TTN: variants seen among roughly 807,000 people sequenced by gnomAD.
TTN encodes the protein connectin.
A neutral mutation model predicts 3,223.0 loss-of-function variants in TTN; 1,525 were observed. That is an observed-to-expected ratio of 0.47 (90% CI 0.45 to 0.49). The LOEUF (loss-of-function observed/expected upper bound fraction) is 0.49, where lower values mean the gene tolerates loss of function less well. Among genes scored for constraint, TTN ranks in the 20% least tolerant of loss-of-function variants. TTN has a pLI of 0.00. For synonymous variants in TTN, 14,094 were observed against 15,161.0 expected, an observed-to-expected ratio of 0.93 and a Z score of 5.17; for missense variants, 40,786 against 43,424.0, an observed-to-expected ratio of 0.94 and a Z score of 5.40.
Position 178,730,250 on chromosome 2 carries a change from T to C in TTN, c.18150A>G (p.Lys6050=), listed in dbSNP as rs991259759. Residue 6050 remains lysine, a synonymous_variant, in exon 62 of 363, where the codon AAA becomes AAG. Transcript: ENST00000589042. ...PMTIKWFKDN[K]ELHSGAARSV... ...AGCGGGCTGCTCCTGAGTGTAACTCTTTGTTATCTTTAAACCACTTTATTG... is the reference window on the plus strand; with the variant it reads ...AGCGGGCTGCTCCTGAGTGTAACTCCTTGTTATCTTTAAACCACTTTATTG... 11 of 1,613,208 alleles carry C rather than the reference T, an allele frequency of 6.8e-6. No homozygotes were observed. The highest frequency in any genetic ancestry group is 1.6e-4 in the Middle Eastern group (1 of 6,078).
chr2:178,630,003 A>G (rs1360069474), intron 239 of TTN, among the ~76,000 whole-genome samples: 1 of 152,118 alleles, frequency 6.6e-6, no homozygotes, highest in African/African-American at 2.4e-5. Flanking sequence ...ACTACAGAGC[A>G]GGAAAATCTG....
rs1295839847 is a variant in TTN, at chr2:178,577,368, T to G, written c.68967A>C (p.Arg22989Ser). 1 of 1,613,046 alleles carries G rather than the reference T, an allele frequency of 6.2e-7. No homozygotes were observed. The highest frequency in any genetic ancestry group is 2.2e-5 in the East Asian group (1 of 44,744). ...SSWSKAGKDI[R>S]PSDITQITST... is the part of the protein sequence containing the mutation. ...AAGTTATCTGAGTGATATCTGATGG[T>G]CTAATGTCTTTTCCTGCCTTGGACC... Residue 22989 changes from arginine to serine, a missense_variant, in exon 324 of 363, where the codon AGA becomes AGC. Coordinates refer to ENST00000589042, the MANE Select transcript of TTN (RefSeq NM_001267550.2).
At position 178,617,348 on chromosome 2, in the gene TTN, G is replaced by A. The variant is rs138576504; in HGVS notation, c.47737C>T (p.Leu15913Phe). The A allele has an allele frequency of 3.6e-4, 568 of 1,581,576 alleles. 1 individual carries two copies. In the African/African-American group the frequency reaches 6.8e-3, roughly 19 times the overall value. The change falls in exon 254 of 363, where the codon CTT becomes TTT. Residue 15913 changes from leucine to phenylalanine, a missense_variant. Coordinates refer to ENST00000589042, the MANE Select transcript of TTN (RefSeq NM_001267550.2). ...ACCTTGTAAGTCAGTTCAGGGACAA[G>A]TTTCATATTGCAACGAATCCAATTA... ...KDNWIRCNMK[L>F]VPELTYKVTG...
rs727503709 is a variant in TTN at position 178,802,203 on chromosome 2, C to T, written c.230G>A (p.Arg77Gln). ...IPAVTKANSGRYSLKATNGSG... is the reference protein window; with the variant it reads ...IPAVTKANSGQYSLKATNGSG... Reference sequence around the variant, plus strand: ...TCCATTGGTGGCTTTCAGGGAATATCGTCCACTGTTGGCTTTAGTCACGGC... The same window carrying T: ...TCCATTGGTGGCTTTCAGGGAATATTGTCCACTGTTGGCTTTAGTCACGGC... The change falls in exon 3 of 363, where the codon CGA becomes CAA. Residue 77 changes from arginine to glutamine, a missense_variant. Arg to Gln is a conservative substitution (Grantham distance 43). Coordinates refer to ENST00000589042, the MANE Select transcript of TTN (RefSeq NM_001267550.2). The T allele has an allele frequency of 3.7e-6, 6 of 1,614,150 alleles. No homozygotes were observed. The highest frequency in any genetic ancestry group is 2.2e-5 in the South Asian group (2 of 91,088).
chr2:178,608,577 G>A (rs1244639300), intron 274 of TTN, 29 bp downstream of exon 274: 2 of 1,595,540 alleles, frequency 1.3e-6, no homozygotes, highest in Non-Finnish European at 1.7e-6. Context: ...TGGTAAAAAG[G>A]CAAACTTTAG....
Position 178,545,839 on chromosome 2 carries a change from A to T in TTN, c.95397T>A (p.Ile31799=). 1.2e-6 allele frequency: 2 copies of T among 1,613,558 alleles called. No homozygotes were observed. The highest frequency in any genetic ancestry group is 8.5e-7 in the Non-Finnish European group (1 of 1,179,558). ...ACTTACTGAATGAGTTTCTGGCTAC[A>T]ATTGGCTCTGATTCAACAGGCACAC... is the stretch of plus-strand genomic sequence containing the variant. The part of the protein sequence containing the change: ...GPGVPVESEP[I]VARNSFTIPS... The change falls in exon 343 of 363, where the codon ATT becomes ATA. Residue 31799 remains isoleucine (I), a synonymous_variant. Transcript: ENST00000589042.
rs759136146 is a variant in TTN, at chr2:178,554,460, G to T, written c.88887C>A (p.Asn29629Lys). The change falls in exon 332 of 363, where the codon AAC becomes AAA. Residue 29629 changes from asparagine to lysine, a missense_variant. Asn to Lys is a moderately conservative substitution (Grantham distance 94). Transcript: ENST00000589042. ...PLESDSVVAK[N>K]AFVTPGPPGI... is the part of the protein sequence containing the mutation. Reference sequence around the variant, plus strand: ...AATGAAATCATGTCTCACCAAATGCGTTCTTGGCTACAACGGAATCAGATT... The same window carrying T: ...AATGAAATCATGTCTCACCAAATGCTTTCTTGGCTACAACGGAATCAGATT... The T allele has an allele frequency of 4.3e-6, 7 of 1,612,892 alleles. No homozygotes were observed. The highest frequency in any genetic ancestry group is 5.9e-6 in the Non-Finnish European group (7 of 1,179,480).
In TTN at chr2:178,578,205, G is replaced by T; in HGVS notation, c.68330-20C>A. ...GATACCCTACAAAAGACCCAGGGAT[G>T]TATCAAGTATAAATGCAGCTTGATT... On this transcript the variant is annotated intron_variant, in intron 321 of 362. Transcript: ENST00000589042. 6.3e-7 allele frequency: 1 copy of T among 1,598,542 alleles called. No homozygotes were observed. Among genetic ancestry groups the T allele is most frequent in the African/African-American group, 1.3e-5 (1 of 74,354 alleles).
At position 178,745,892 on chromosome 2, in the gene TTN, C is replaced by G. The variant is rs16866489; in HGVS notation, c.11312-3971G>C. 1.1e-3 allele frequency: 1,815 copies of G among 1,611,990 alleles called. 18 individuals carry two copies. In the African/African-American group the frequency reaches 0.022, roughly 19 times the overall value. ...TTCCACCACCTGAAATTCAAAAAAA[C>G]TGTCTGTGTAGTTGCTCTTTAAGAC... is the stretch of plus-strand genomic sequence containing the variant. On this transcript the variant is annotated intron_variant, in intron 47 of 362. Transcript: ENST00000589042.
In TTN at chr2:178,559,386, AATAG is replaced by A. The variant is rs1415420768; in HGVS notation, c.86742_86745del (p.Tyr28915ThrfsTer22). The A allele has an allele frequency of 1.2e-6, 2 of 1,613,622 alleles. No homozygotes were observed. Among genetic ancestry groups the A allele is most frequent in the Non-Finnish European group, 1.7e-6 (2 of 1,179,680 alleles). The stretch of plus-strand genomic sequence containing the variant: ...TCATTTTCTCCAGAGACTCTGAAGT[AATAG>A]ATAGCTCCTTCTTGTAAATTGGTAA... On this transcript the variant is annotated frameshift_variant, in exon 326 of 363. Coordinates refer to ENST00000589042, the MANE Select transcript of TTN (RefSeq NM_001267550.2). LOFTEE classifies it high-confidence loss of function.
In TTN at chr2:178,580,511, G is replaced by A; in HGVS notation, c.66868C>T (p.Pro22290Ser). Residue 22290 changes from proline (P) to serine (S), a missense_variant, in exon 317 of 363, where the codon CCT becomes TCT. By Grantham distance (74) the Pro-to-Ser change is moderately conservative. Coordinates refer to ENST00000589042, the MANE Select transcript of TTN (RefSeq NM_001267550.2). The part of the protein sequence containing the change: ...RLYVPVKGRP[P>S]PKITWSKPNV... ...GGTTTAGACCAAGTAATCTTTGGAG[G>A]TGGGCGTCCTTTTACTGGTACATAT... 6.2e-7 allele frequency: 1 copy of A among 1,612,912 alleles called. No individual in the cohort carries two copies.
At position 178,545,812 on chromosome 2, in the gene TTN, A is replaced by G. The variant is rs373857496; in HGVS notation, c.95416+8T>C. Reference sequence around the variant, plus strand: ...ACTGTCAAATTATTTAAAAGTGTTAATACTTACTGAATGAGTTTCTGGCTA... The same window carrying G: ...ACTGTCAAATTATTTAAAAGTGTTAGTACTTACTGAATGAGTTTCTGGCTA... On this transcript the variant is annotated splice_region_variant and intron_variant, in intron 343 of 362. Transcript: ENST00000589042. The G allele has an allele frequency of 3.0e-5, 49 of 1,612,222 alleles. No homozygotes were observed. The highest frequency in any genetic ancestry group is 3.8e-5 in the Non-Finnish European group (45 of 1,178,664).
chr2:178,582,914 G>T, intron 313 of TTN, 26 bp downstream of exon 313: 1 of 1,458,218 alleles, frequency 6.9e-7, no homozygotes. Flanking sequence ...GTAAAATATG[G>T]GATTCCAATG....
chr2:178,736,635 G>T (rs1195266841), intron 49 of TTN, among the ~76,000 whole-genome samples: 1 of 152,122 alleles, frequency 6.6e-6, no homozygotes, highest in Non-Finnish European at 1.5e-5. Context: ...GCATCTTGAA[G>T]CCAGACTTTC....
Position 178,578,048 on chromosome 2 carries a change from A to AATTG in TTN, c.68463_68466dup (p.Leu22823GlnfsTer22). 2 of 1,613,242 alleles carry AATTG rather than the reference A, an allele frequency of 1.2e-6. No individual in the cohort carries two copies. The highest frequency in any genetic ancestry group is 1.7e-6 in the Non-Finnish European group (2 of 1,179,482). On this transcript the variant is annotated frameshift_variant, in exon 322 of 363. Coordinates refer to ENST00000589042, the MANE Select transcript of TTN (RefSeq NM_001267550.2). LOFTEE classifies it high-confidence loss of function. ...AGGCTTGGCTTGCCCACACCTGCTAAATTGATTGCCATAACTCGGAATTCA... is the reference window on the plus strand; with the variant it reads ...AGGCTTGGCTTGCCCACACCTGCTAAATTGATTGATTGCCATAACTCGGAATTCA...
chr2:178,578,756 C>T (rs1389235386), intron 320 of TTN, 41 bp from the exon 321 acceptor site: 3 of 1,601,786 alleles, frequency 1.9e-6, no homozygotes, highest in Non-Finnish European at 2.5e-6. Context: ...AATAAGAAGC[C>T]TCCTCAAAAC....
At position 178,558,123 on chromosome 2, in the gene TTN, G is replaced by C; in HGVS notation, c.87231C>G (p.Thr29077=). 6.2e-7 allele frequency: 1 copy of C among 1,613,820 alleles called. No homozygotes were observed. Among genetic ancestry groups the C allele is most frequent in the Non-Finnish European group, 8.5e-7 (1 of 1,179,828 alleles). Residue 29077 remains threonine (T), a synonymous_variant, in exon 328 of 363, where the codon ACC becomes ACG. Coordinates refer to ENST00000589042, the MANE Select transcript of TTN (RefSeq NM_001267550.2). ...PISGKPLPKV[T]LSRDGVPLKA... is the part of the protein sequence containing the mutation. ...TAAGGGGGACACCATCTCTTGATAA[G>C]GTCACTTTGGGAAGTGGTTTTCCAG...
Position 178,573,100 on chromosome 2 carries a change from C to G in TTN, c.73032G>C (p.Trp24344Cys). The G allele has an allele frequency of 6.2e-7, 1 of 1,613,214 alleles. No individual in the cohort carries two copies. Among genetic ancestry groups the G allele is most frequent in the Non-Finnish European group, 8.5e-7 (1 of 1,179,538 alleles). The change falls in exon 326 of 363, where the codon TGG (tryptophan) becomes TGC (cysteine). Residue 24344 changes from tryptophan to cysteine, a missense_variant. By Grantham distance (215) the Trp-to-Cys change is radical (BLOSUM62 -2). Coordinates refer to ENST00000589042, the MANE Select transcript of TTN (RefSeq NM_001267550.2). ...DTSRSSISIA[W>C]NKPIYDGGSE... Reference sequence around the variant, plus strand: ...AACCACCATCATAGATAGGTTTATTCCAAGCGATTGAAATGGATGATCTGC... The same window carrying G: ...AACCACCATCATAGATAGGTTTATTGCAAGCGATTGAAATGGATGATCTGC...
At chr2:178,584,641 A>C in intron 310 of TTN, 28 bp downstream of exon 310, 1 of 1,610,490 alleles carries the variant, frequency 6.2e-7, no homozygotes, top group Non-Finnish European at 8.5e-7. Flanking sequence ...AAAGAAAACA[A>C]CTTTTTTTCT....
Sources: gnomAD v4.1 joint callset for allele counts (sites outside exome capture counted in the v4.1 genomes callset) on GRCh38, gnomAD v4.1.1 for gene constraint, MANE v1.5 for transcripts, NCBI Gene and HGNC (gene_info 2026-07-23, HGNC 2026-07-21) for gene names.